Variants in KLHL31 observed in about 807,000 individuals in gnomAD.
KLHL31 encodes the protein kelch like family member 31.
A neutral mutation model predicts 47.1 loss-of-function variants in KLHL31; 32 were observed. The observed-to-expected ratio is 0.68, with a 90% confidence interval of 0.51 to 0.91. KLHL31 has a LOEUF of 0.91. KLHL31 is among the 40% of genes least tolerant of loss of function. The probability of loss-of-function intolerance (pLI) is 0.00; values close to 1 mark genes in which losing one functional copy is unlikely to be tolerated. For synonymous variants in KLHL31, 330 were observed against 325.1 expected (o/e 1.01, Z -0.16); for missense variants, 797 against 819.3 (o/e 0.97, Z 0.33).
intron 1 of KLHL31, among the ~76,000 whole-genome samples, chr6:53,657,612 G>T (rs1298252573): frequency 2.6e-5 from 2 of 77,426 alleles, no homozygotes; most frequent in South Asian, 6.9e-4. Flanking sequence ...TTTTTGTTTT[G>T]TGTGTGTGTG....
intron 2 of KLHL31, chr6:53,652,545 C>G (rs1250573562): frequency 1.7e-6 from 1 of 604,994 alleles, no homozygotes; most frequent in Admixed American, 3.0e-5. Context: ...CCCCTCGCCC[C>G]CGTTTATAAG....
chr6:53,655,534 C>A (rs1294945487), intron 1 of KLHL31, among the ~76,000 whole-genome samples: 2 of 152,066 alleles, frequency 1.3e-5, no homozygotes, highest in East Asian at 1.9e-4. Context: ...CAAATGAAAT[C>A]TCTCCATAAC....
intron 1 of KLHL31, among the ~76,000 whole-genome samples, chr6:53,658,910 T>C (rs1764609769): frequency 6.6e-6 from 1 of 152,200 alleles, no homozygotes. Context: ...TGACTTTTGG[T>C]AGATTACCTA....
rs1173919648 is a variant in KLHL31, at chr6:53,652,016, A to C, written c.1487T>G (p.Leu496Arg). Residue 496 changes from leucine to arginine, a missense_variant, in exon 3 of 3, where the codon CTG becomes CGG. Transcript: ENST00000370905. Reference sequence around the variant, plus strand: ...GCCCCGGGGTGTGCTGAGGTTCGGCAGCTCCTGCCACGAGTCGCTGGCCGG... The same window carrying C: ...GCCCCGGGGTGTGCTGAGGTTCGGCCGCTCCTGCCACGAGTCGCTGGCCGG... ...YDPASDSWQE[L>R]PNLSTPRGWH... 1 of 1,590,872 alleles carries C rather than the reference A, an allele frequency of 6.3e-7. No homozygotes were observed. The highest frequency in any genetic ancestry group is 2.3e-5 in the East Asian group (1 of 44,380).
In KLHL31 at chr6:53,655,183, C is replaced by T. The variant is rs1317675373; in HGVS notation, c.90G>A (p.Leu30=). The change falls in exon 2 of 3, where the codon CTG becomes CTA. Residue 30 remains leucine (L), a synonymous_variant. Transcript: ENST00000370905. ...IIVEDSPLNK[L]NALNGLLEGG... ...CCTCTAGGAGCCCATTCAAAGCATT[C>T]AGTTTGTTTAGGGGGCTATCTTCTA... 6.2e-7 allele frequency: 1 copy of T among 1,613,962 alleles called. No homozygotes were observed. The highest frequency in any genetic ancestry group is 8.5e-7 in the Non-Finnish European group (1 of 1,179,928).
At chr6:53,662,083 G>A (rs1764654452) in intron 1 of KLHL31, among the ~76,000 whole-genome samples, 2 of 152,018 alleles carry the variant, frequency 1.3e-5, no homozygotes, top group African/African-American at 2.4e-5. Flanking sequence ...CAGTAGCCAG[G>A]GCCATCAGCC....
chr6:53,653,625 G>A (rs1433280476), intron 2 of KLHL31, among the ~76,000 whole-genome samples: 1 of 152,134 alleles, frequency 6.6e-6, no homozygotes, highest in Non-Finnish European at 1.5e-5. Context: ...CATTTTTAAT[G>A]ATCTCATTCT....
chr6:53,661,531 T>C (rs926105221), intron 1 of KLHL31, among the ~76,000 whole-genome samples: 2 of 152,148 alleles, frequency 1.3e-5, no homozygotes, highest in Non-Finnish European at 2.9e-5. Context: ...AAGTAATATA[T>C]ATGTACAGGA....
Position 53,652,090 on chromosome 6 carries a change from G to T in KLHL31, c.1413C>A (p.Thr471=), listed in dbSNP as rs202058564. 4 of 1,599,288 alleles carry T rather than the reference G, an allele frequency of 2.5e-6. No individual in the cohort carries two copies. Among genetic ancestry groups the T allele is most frequent in the African/African-American group, 2.7e-5 (2 of 74,960 alleles). ...AGTAGGCGTTGGCTATGTAGCCTCC[G>T]GTCACCAGCACGCGGCCGTCGGCGA... is the stretch of plus-strand genomic sequence containing the variant. ...SAVADGRVLV[T]GGYIANAYSR... The change falls in exon 3 of 3, where the codon ACC becomes ACA. Residue 471 remains threonine (T), a synonymous_variant. Transcript: ENST00000370905.
chr6:53,660,635 G>A (rs1037605040), intron 1 of KLHL31, among the ~76,000 whole-genome samples: 11 of 152,092 alleles, frequency 7.2e-5, no homozygotes, highest in Non-Finnish European at 1.5e-4. Flanking sequence ...CCAACATGGC[G>A]AAACCCTGTC....
At chr6:53,664,660 C>A (rs1764693678) in intron 1 of KLHL31, among the ~76,000 whole-genome samples, 1 of 152,210 alleles carries the variant, frequency 6.6e-6, no homozygotes, top group South Asian at 2.1e-4. Flanking sequence ...CTTCCCACTG[C>A]CCTGCACCCA....
intron 1 of KLHL31, among the ~76,000 whole-genome samples, chr6:53,660,347 T>C (rs1035942353): frequency 2.0e-5 from 3 of 152,170 alleles, no homozygotes; most frequent in African/African-American, 7.2e-5. Flanking sequence ...ATCTATAACA[T>C]TACTGAAAAC....
intron 1 of KLHL31, among the ~76,000 whole-genome samples, chr6:53,657,464 C>T (rs953311450): frequency 9.8e-5 from 15 of 152,318 alleles, no homozygotes; most frequent in Non-Finnish European, 2.1e-4. Flanking sequence ...GTACACCTTT[C>T]TATAGCAGTA....
Position 53,652,191 on chromosome 6 carries a change from A to C in KLHL31, c.1312T>G (p.Cys438Gly), listed in dbSNP as rs756284953. ...CACTGATTGGTGGAGGGCACGTAGC[A>C]CTCCAGCGAGGCCAGGCTTCCTTCT... ...NAEGSLASLE[C>G]YVPSTNQWQP... The change falls in exon 3 of 3, where the codon TGC becomes GGC. Residue 438 changes from cysteine to glycine, a missense_variant. By Grantham distance (159) the Cys-to-Gly change is radical. Coordinates refer to ENST00000370905, the MANE Select transcript of KLHL31 (RefSeq NM_001003760.5). The C allele has an allele frequency of 1.1e-5, 18 of 1,611,282 alleles. No individual in the cohort carries two copies. The highest frequency in any genetic ancestry group is 1.4e-5 in the Non-Finnish European group (16 of 1,179,960).
Position 53,651,554 on chromosome 6 carries a change from G to GAATA in KLHL31, c.*40_*43dup. 6.4e-7 allele frequency: 1 copy of GAATA among 1,571,688 alleles called. No homozygotes were observed. The highest frequency in any genetic ancestry group is 8.6e-7 in the Non-Finnish European group (1 of 1,156,754). On this transcript the variant is annotated 3_prime_UTR_variant, in exon 3 of 3. Coordinates refer to ENST00000370905, the MANE Select transcript of KLHL31 (RefSeq NM_001003760.5). ...TCAGAGGTTAACCACGTGGCTCTAC[G>GAATA]AATAAATAACGTGTTCTTCCTGCGT...
rs1216272208 is a variant in KLHL31 at position 53,651,353 on chromosome 6, G to A, written c.*245C>T. The A allele has an allele frequency of 9.4e-6, 3 of 319,368 alleles. No individual in the cohort carries two copies. Among genetic ancestry groups the A allele is most frequent in the African/African-American group, 3.0e-5 (1 of 33,718 alleles). The allele number at this position is 319,368 out of a possible 1,614,324, so 19.8% of individuals were successfully genotyped here. Reference sequence around the variant, plus strand: ...GAATTCCGTCTGCCACCCAGTGGCCGCTGAAATAAATTGTTTCTTTTGTTG... The same window carrying A: ...GAATTCCGTCTGCCACCCAGTGGCCACTGAAATAAATTGTTTCTTTTGTTG... On this transcript the variant is annotated 3_prime_UTR_variant, in exon 3 of 3. Transcript: ENST00000370905.
At position 53,648,081 on chromosome 6, in the gene KLHL31, C is replaced by G. The variant is rs1764419559; in HGVS notation, c.*3517G>C. 6.6e-6 allele frequency: 1 copy of G among 152,438 alleles called. No individual in the cohort carries two copies. The highest frequency in any genetic ancestry group is 1.5e-5 in the Non-Finnish European group (1 of 68,002). The allele number at this position is 152,438 out of a possible 1,614,324, so 9.4% of individuals were successfully genotyped here. ...AAATAAAAAGTTTTTAAAGAATATC[C>G]AGGACAAATAATTTATTTCAAATTC... On this transcript the variant is annotated 3_prime_UTR_variant, in exon 3 of 3. Transcript: ENST00000370905.
chr6:53,651,713 T>G lies in KLHL31; in HGVS notation c.1790A>C (p.Asp597Ala). ...GACAGTGGCCTCGGGTAGCTCGTCG[T>G]CCTCCGTCCACTCGTTGAGCTCGGG... ...FSPELNEWTE[D>A]DELPEATVGV... Residue 597 changes from aspartate to alanine, a missense_variant, in exon 3 of 3, where the codon GAC (aspartate) becomes GCC (alanine). Coordinates refer to ENST00000370905, the MANE Select transcript of KLHL31 (RefSeq NM_001003760.5). 6.2e-7 allele frequency: 1 copy of G among 1,614,170 alleles called. No individual in the cohort carries two copies. The highest frequency in any genetic ancestry group is 8.5e-7 in the Non-Finnish European group (1 of 1,180,028).
intron 1 of KLHL31, among the ~76,000 whole-genome samples, chr6:53,661,982 G>GCT (rs1046843557): frequency 5.9e-5 from 9 of 151,698 alleles, no homozygotes; most frequent in Admixed American, 1.3e-4. Flanking sequence ...TTTTTTTAAA[G>GCT]CTCTCTCTCT....
Sources: gnomAD v4.1 joint callset for allele counts (sites outside exome capture counted in the v4.1 genomes callset) on GRCh38, gnomAD v4.1.1 for gene constraint, MANE v1.5 for transcripts, NCBI Gene and HGNC (gene_info 2026-07-23, HGNC 2026-07-21) for gene names.